The following KCNC4 variants were observed in gnomAD, a reference collection of about 807,000 sequenced individuals.
KCNC4 encodes potassium voltage-gated channel subfamily C member 4.
A neutral mutation model predicts 42.8 loss-of-function variants in KCNC4; 23 were observed. The ratio of observed to expected loss-of-function variants is 0.54; its 90% CI spans 0.39 to 0.76. The LOEUF (loss-of-function observed/expected upper bound fraction) is 0.76, where lower values mean the gene tolerates loss of function less well. KCNC4 is among the 30% of genes least tolerant of loss of function. The pLI, the probability that KCNC4 is intolerant of heterozygous loss-of-function variation, is 0.00. For missense variants in KCNC4, 751 were observed against 898.2 expected, an observed-to-expected ratio of 0.84 and a Z score of 2.10; for synonymous variants, 422 against 393.5, an observed-to-expected ratio of 1.07 and a Z score of -0.86.
intron 1 of KCNC4, among the ~76,000 whole-genome samples, chr1:110,257,413 C>CAAA (rs869271653): frequency 7.3e-6 from 1 of 136,456 alleles, no homozygotes. Flanking sequence ...TCCCCTGCCG[C>CAAA]AAAAAAAAAA....
chr1:110,234,601 C>G (rs1658858072), downstream of KCNC4: 1 of 152,198 alleles, frequency 6.6e-6, no homozygotes, highest in South Asian at 2.1e-4. Context: ...TTATCCCTCT[C>G]ACGTTCACAT....
rs77254746 is a variant in KCNC4, at chr1:110,227,304, G to A, written c.1819+1126G>A. On this transcript the variant is annotated intron_variant, in intron 3 of 3. Coordinates refer to ENST00000438661, the MANE Select transcript of KCNC4 (RefSeq NM_001039574.3). The stretch of plus-strand genomic sequence containing the variant: ...TCCCGTGGCCTGCCAGCCCATGCAG[G>A]CTCTGTGGGCACCTTCTAGTTTCTT... Among the ~76,000 whole-genome samples the A allele has an allele frequency of 6.7e-3, 1,022 of 152,300 alleles. 20 individuals carry two copies. The highest frequency in any genetic ancestry group is 0.044 in the East Asian group (229 of 5,178).
chr1:110,277,178 C>T (rs796262049), intron 1 of KCNC4, among the ~76,000 whole-genome samples: 16 of 152,338 alleles, frequency 1.1e-4, no homozygotes, highest in African/African-American at 3.6e-4. Context: ...AAAGAACACA[C>T]ATCATTAAAA....
intron 1 of KCNC4, among the ~76,000 whole-genome samples, chr1:110,254,448 G>A (rs1157759914): frequency 6.6e-6 from 1 of 152,194 alleles, no homozygotes; most frequent in African/African-American, 2.4e-5. Context: ...TCCCCAGAGA[G>A]TCATGGTCAT....
chr1:110,211,713 G>C lies in KCNC4; in HGVS notation c.214G>C (p.Gly72Arg), dbSNP rs1261315701. The C allele has an allele frequency of 1.9e-6, 3 of 1,608,490 alleles. No individual in the cohort carries two copies. The highest frequency in any genetic ancestry group is 2.5e-6 in the Non-Finnish European group (3 of 1,177,572). The change falls in exon 1 of 4, where the codon GGC becomes CGC. Residue 72 changes from glycine to arginine, a missense_variant. Physicochemically the swap from Gly to Arg is moderately radical, Grantham distance 125 (BLOSUM62 -2). Around this residue, in one of 4 missense-constraint regions of KCNC4, gnomAD observed 183 missense variants for 255.8 expected, o/e 0.72. Coordinates refer to ENST00000438661, the MANE Select transcript of KCNC4 (RefSeq NM_001039574.3). The surrounding 1 kb of genome is among the most constrained non-coding windows in gnomAD (Gnocchi z 6.5). The stretch of plus-strand genomic sequence containing the variant: ...CTGGCTGGCCGACCCCGACGGCGGG[G>C]GCCGGCCCGAGACCGATGGCGGCGG... ...LAWLADPDGG[G>R]RPETDGGGVG...
chr1:110,263,301 T>C (rs747597965), intron 1 of KCNC4, among the ~76,000 whole-genome samples: 19 of 151,730 alleles, frequency 1.3e-4, no homozygotes, highest in Non-Finnish European at 2.4e-4. Context: ...TCTTGGGAGA[T>C]TTTGGTGCAT....
chr1:110,268,511 C>T (rs927943324), intron 1 of KCNC4, among the ~76,000 whole-genome samples: 1 of 141,942 alleles, frequency 7.0e-6, no homozygotes, highest in Non-Finnish European at 1.5e-5. Flanking sequence ...GAGGCTGAGG[C>T]GGGAGAATGG....
At chr1:110,222,941 C>G (rs1483465198) in intron 1 of KCNC4, 23 bp from the exon 2 acceptor site, 1 of 1,586,654 alleles carries the variant, frequency 6.3e-7, no homozygotes, top group Non-Finnish European at 8.6e-7. Flanking sequence ...CAGCTGCCCC[C>G]TGCTCTCCTC....
At chr1:110,254,880 G>T (rs1659304114) in intron 1 of KCNC4, among the ~76,000 whole-genome samples, 1 of 152,206 alleles carries the variant, frequency 6.6e-6, no homozygotes, top group African/African-American at 2.4e-5. Context: ...ACAGCCCACA[G>T]CAGTTGTAGC....
chr1:110,264,987 G>A (rs1173837781), intron 1 of KCNC4, among the ~76,000 whole-genome samples: 8 of 151,592 alleles, frequency 5.3e-5, no homozygotes, highest in East Asian at 1.9e-4. Flanking sequence ...AGGCTGGGGC[G>A]GGAGAATCAC....
exon 4 of KCNC4, chr1:110,241,168 C>CT (rs1659025428): frequency 6.6e-6 from 1 of 152,218 alleles, no homozygotes; most frequent in Non-Finnish European, 1.5e-5. Flanking sequence ...AAGTTGCTCT[C>CT]TAATACTCTC....
intron 3 of KCNC4, 128 bp downstream of exon 3, chr1:110,226,306 C>A (rs1391812971): frequency 2.7e-6 from 2 of 737,484 alleles, no homozygotes; most frequent in East Asian, 2.7e-5. Context: ...CTTGGATGCA[C>A]CCCCACTTTT....
At chr1:110,273,422 C>T (rs1659668532) in intron 1 of KCNC4, among the ~76,000 whole-genome samples, 1 of 152,222 alleles carries the variant, frequency 6.6e-6, no homozygotes, top group Admixed American at 6.5e-5. Context: ...ATCTCTGTGT[C>T]AGTCTCTTCT....
In KCNC4 at chr1:110,211,400, C is replaced by T. The variant is rs1444243997; in HGVS notation, c.-100C>T. 2.7e-6 allele frequency: 4 copies of T among 1,471,180 alleles called. No individual in the cohort carries two copies. Among genetic ancestry groups the T allele is most frequent in the Non-Finnish European group, 2.7e-6 (3 of 1,103,478 alleles). 91.1% of individuals were successfully genotyped at this position (1,471,180 alleles called of 1,614,324 possible). ...AGGGGGCCGCCACCGCCTCCTGCCT[C>T]CTCTTCGTCTCCTCCCCCTCCCCCG... On this transcript the variant is annotated 5_prime_UTR_variant, in exon 1 of 4. Transcript: ENST00000438661. The surrounding 1 kb of genome is among the most constrained non-coding windows in gnomAD (Gnocchi z 6.5).
In KCNC4 at chr1:110,211,492, C is replaced by T. The variant is rs776517423; in HGVS notation, c.-8C>T. On this transcript the variant is annotated 5_prime_UTR_variant, in exon 1 of 4. Coordinates refer to ENST00000438661, the MANE Select transcript of KCNC4 (RefSeq NM_001039574.3). The surrounding 1 kb of genome is among the most constrained non-coding windows in gnomAD (Gnocchi z 6.5). ...GCCGCCCCAAGCCGGAGCCCCGCAG[C>T]GCTTCTTATGATCAGCTCGGTGTGT... 3 of 1,606,836 alleles carry T rather than the reference C, an allele frequency of 1.9e-6. No homozygotes were observed. In the South Asian group the frequency reaches 3.3e-5, roughly 18 times the overall value.
chr1:110,244,177 G>T (rs1216024966), exon 4 of KCNC4: 1 of 152,140 alleles, frequency 6.6e-6, no homozygotes, highest in African/African-American at 2.4e-5. Context: ...AATCTAAGCT[G>T]TGTAATGGAA....
chr1:110,219,352 G>T (rs370785715), intron 1 of KCNC4, among the ~76,000 whole-genome samples: 5 of 152,130 alleles, frequency 3.3e-5, no homozygotes, highest in Non-Finnish European at 7.3e-5. Context: ...TAATCCTACC[G>T]TAACACTGTG....
chr1:110,232,235 C>A lies in KCNC4; in HGVS notation c.1820-676C>A, dbSNP rs770250567. On this transcript the variant is annotated intron_variant, in intron 3 of 3. Coordinates refer to ENST00000438661, the MANE Select transcript of KCNC4 (RefSeq NM_001039574.3). ...TCCTGAGACAGGCACATTCGTCCTC[C>A]GTGACCTTCCCCTTCAGCATTCACC... 1.2e-6 allele frequency: 2 copies of A among 1,613,822 alleles called. No individual in the cohort carries two copies. Among genetic ancestry groups the A allele is most frequent in the African/African-American group, 2.7e-5 (2 of 74,908 alleles).
intron 1 of KCNC4, among the ~76,000 whole-genome samples, chr1:110,266,871 G>C (rs970181712): frequency 2.6e-5 from 4 of 152,194 alleles, no homozygotes; most frequent in African/African-American, 9.7e-5. Flanking sequence ...TTGTCATGGG[G>C]ATGTTTGCCC....
Sources: allele counts gnomAD v4.1 joint callset (sites outside exome capture counted in the v4.1 genomes callset), GRCh38; gene constraint gnomAD v4.1.1; regional missense constraint gnomAD v4.1.1; non-coding constraint Gnocchi (gnomAD v3.1); transcripts MANE v1.5; gene names NCBI Gene and HGNC (gene_info 2026-07-23, HGNC 2026-07-21).